FAF1: variants seen among roughly 807,000 people sequenced by gnomAD.
FAF1 encodes Fas associated factor 1.
Under a neutral mutation model 92.5 loss-of-function variants are expected in FAF1, and 25 were observed. That is an observed-to-expected ratio of 0.27 (90% confidence interval 0.20 to 0.38). FAF1 has a LOEUF of 0.38. Among genes scored for constraint, FAF1 ranks in the 10% least tolerant of loss-of-function variants. The pLI is 1.00. For missense variants in FAF1, 636 were observed against 793.3 expected (o/e 0.80, Z 2.38); for synonymous variants, 234 against 273.2 (o/e 0.86, Z 1.42).
At chr1:50,811,885 A>C (rs1006211395) in intron 2 of FAF1, among the ~76,000 whole-genome samples, 13 of 152,202 alleles carry the variant, frequency 8.5e-5, no homozygotes, top group African/African-American at 3.1e-4. Context: ...CATGGAACAG[A>C]ATAGAGAGCC....
At chr1:50,925,685 G>T (rs1168273558) in intron 1 of FAF1, among the ~76,000 whole-genome samples, 1 of 152,138 alleles carries the variant, frequency 6.6e-6, no homozygotes, top group African/African-American at 2.4e-5. Context: ...AAACAGTGTT[G>T]CACTTTCTCA....
intron 15 of FAF1, among the ~76,000 whole-genome samples, chr1:50,526,722 T>C (rs1406582542): frequency 6.6e-6 from 1 of 152,168 alleles, no homozygotes; most frequent in Non-Finnish European, 1.5e-5. Flanking sequence ...CTGGATTACA[T>C]GGTAACTACA....
chr1:50,787,976 G>C (rs780553944), intron 4 of FAF1, 24 bp downstream of exon 4: 2 of 1,575,590 alleles, frequency 1.3e-6, no homozygotes, highest in Non-Finnish European at 1.7e-6. Flanking sequence ...ATTTGTGAAG[G>C]CTTTATGGCA....
chr1:50,621,391 CTTTTTTT>C (rs36053834), intron 8 of FAF1, among the ~76,000 whole-genome samples: 78 of 89,228 alleles, frequency 8.7e-4, no homozygotes, highest in African/African-American at 2.3e-3. Flanking sequence ...TTCTTTTTTT[CTTTTTTT>C]TTTTTTTTTT....
chr1:50,515,155 C>G (rs1033697630), intron 15 of FAF1, among the ~76,000 whole-genome samples: 1 of 152,114 alleles, frequency 6.6e-6, no homozygotes, highest in African/African-American at 2.4e-5. Context: ...CATATATAAG[C>G]TTAGAAAGGA....
At chr1:50,832,466 A>G (rs1294214868) in intron 2 of FAF1, among the ~76,000 whole-genome samples, 1 of 152,228 alleles carries the variant, frequency 6.6e-6, no homozygotes, top group Non-Finnish European at 1.5e-5. Context: ...GTAAGTGCCA[A>G]TAGCACCCTC....
At chr1:50,472,412 C>CACAT (rs1646586421) in intron 18 of FAF1, among the ~76,000 whole-genome samples, 1 of 147,742 alleles carries the variant, frequency 6.8e-6, no homozygotes, top group Non-Finnish European at 1.5e-5. Flanking sequence ...CACACACACA[C>CACAT]ACACACACAC....
chr1:50,442,528 G>A (rs948148593), intron 18 of FAF1, among the ~76,000 whole-genome samples: 1 of 152,188 alleles, frequency 6.6e-6, no homozygotes, highest in African/African-American at 2.4e-5. Flanking sequence ...CTGTAAAGAT[G>A]GTGGACACAC....
At chr1:50,647,207 G>A (rs1654638401) in intron 8 of FAF1, among the ~76,000 whole-genome samples, 1 of 152,080 alleles carries the variant, frequency 6.6e-6, no homozygotes, top group African/African-American at 2.4e-5. Context: ...TAACTTAATA[G>A]GTAGACAAGA....
intron 8 of FAF1, among the ~76,000 whole-genome samples, chr1:50,637,409 C>T (rs1349469732): frequency 2.0e-5 from 3 of 150,832 alleles, no homozygotes; most frequent in Non-Finnish European, 2.9e-5. Flanking sequence ...GCCAAGATCG[C>T]GCCATTGCAC....
intron 14 of FAF1, among the ~76,000 whole-genome samples, chr1:50,537,694 A>G (rs1417511013): frequency 6.6e-6 from 1 of 152,152 alleles, no homozygotes; most frequent in East Asian, 1.9e-4. Context: ...GCATTGTAAC[A>G]TTTTTGCAAA....
At chr1:50,576,959 G>T (rs1650777020) in intron 12 of FAF1, among the ~76,000 whole-genome samples, 1 of 151,310 alleles carries the variant, frequency 6.6e-6, no homozygotes, top group South Asian at 2.1e-4. Flanking sequence ...AAGTCACCAT[G>T]CCCAGCCTAA....
chr1:50,515,658 C>G (rs930297399), intron 15 of FAF1, among the ~76,000 whole-genome samples: 4 of 152,118 alleles, frequency 2.6e-5, no homozygotes, highest in African/African-American at 9.7e-5. Flanking sequence ...CAAATCTAAT[C>G]TTGCTAATTT....
intron 7 of FAF1, among the ~76,000 whole-genome samples, chr1:50,662,683 C>CTTTTTTT (rs58193277): frequency 2.6e-5 from 2 of 77,578 alleles, no homozygotes; most frequent in African/African-American, 9.3e-5. Flanking sequence ...GAATTTGTAT[C>CTTTTTTT]TTTTTTTTTT....
intron 13 of FAF1, among the ~76,000 whole-genome samples, chr1:50,553,069 G>T (rs1035960920): frequency 6.6e-6 from 1 of 152,114 alleles, no homozygotes; most frequent in Admixed American, 6.6e-5. Context: ...AAATTACAAC[G>T]ATGAACCTCA....
In FAF1 at chr1:50,644,014, GC is replaced by G. The variant is rs376633489; in HGVS notation, c.744+11427del. ...AAAAGCTACTTTAAAGTCCATGTCT[GC>G]CAATTTCATTATCTAAGTAACTTCC... On this transcript the variant is annotated intron_variant, in intron 8 of 18. Transcript: ENST00000396153. 1.3e-4 allele frequency among the ~76,000 whole-genome samples: 20 copies of G among 152,274 alleles called. 1 individual carries two copies. Among genetic ancestry groups the G allele is most frequent in the African/African-American group, 4.8e-4 (20 of 41,546 alleles).
At chr1:50,597,958 T>C (rs536136605) in intron 8 of FAF1, among the ~76,000 whole-genome samples, 2 of 152,298 alleles carry the variant, frequency 1.3e-5, no homozygotes, top group South Asian at 4.1e-4. Context: ...GAGTTCAAAT[T>C]CACTTCTACT....
chr1:50,444,005 C>T (rs1044385138), intron 18 of FAF1, among the ~76,000 whole-genome samples: 2 of 152,196 alleles, frequency 1.3e-5, no homozygotes, highest in Admixed American at 6.5e-5. Context: ...AAAGCAAACA[C>T]GGCTGTGCTG....
chr1:50,562,342 A>G (rs1178928519), intron 13 of FAF1, among the ~76,000 whole-genome samples: 1 of 152,120 alleles, frequency 6.6e-6, no homozygotes, highest in African/African-American at 2.4e-5. Flanking sequence ...TTAATTCTCA[A>G]TCTGGTTCAG....
Sources: gnomAD v4.1 joint callset for allele counts (sites outside exome capture counted in the v4.1 genomes callset) on GRCh38, gnomAD v4.1.1 for gene constraint, MANE v1.5 for transcripts, NCBI Gene and HGNC (gene_info 2026-07-23, HGNC 2026-07-21) for gene names.